Variants in C1orf185 observed in about 807,000 individuals in gnomAD.
The protein encoded by C1orf185 is uncharacterized protein C1orf185.
In C1orf185, 13 loss-of-function variants were observed where a neutral mutation model predicts 16.1. That is an observed-to-expected ratio of 0.81 (90% CI 0.53 to 1.28). The LOEUF is 1.28. C1orf185 is among the 50% of genes most tolerant of loss of function. The pLI, the probability that C1orf185 is intolerant of heterozygous loss-of-function variation, is 0.00. For missense variants in C1orf185, 220 were observed against 225.2 expected, an observed-to-expected ratio of 0.98 and a Z score of 0.15; for synonymous variants, 80 against 76.9, an observed-to-expected ratio of 1.04 and a Z score of -0.21.
At chr1:51,150,183 T>C (rs1341192655), downstream of C1orf185, among the ~76,000 whole-genome samples, 1 of 151,608 alleles carries the variant, frequency 6.6e-6, no homozygotes, top group East Asian at 1.9e-4. Flanking sequence ...ATATAATAAA[T>C]TGAATGTCTT....
intron 3 of C1orf185, among the ~76,000 whole-genome samples, chr1:51,143,643 C>A (rs1305396728): frequency 6.6e-6 from 1 of 151,948 alleles, no homozygotes; most frequent in African/African-American, 2.4e-5. Flanking sequence ...TTTCCTTACT[C>A]GGGATTTTAT....
chr1:51,128,549 C>T (rs1646259305), intron 3 of C1orf185, among the ~76,000 whole-genome samples: 1 of 151,820 alleles, frequency 6.6e-6, no homozygotes, highest in African/African-American at 2.4e-5. Flanking sequence ...AAAAATTAGC[C>T]AGGTGTGGTG....
At chr1:51,130,013 C>T (rs1557649552) in intron 3 of C1orf185, among the ~76,000 whole-genome samples, 1 of 152,122 alleles carries the variant, frequency 6.6e-6, no homozygotes, top group Non-Finnish European at 1.5e-5. Context: ...TGTTCTTTTT[C>T]ATGGCTGAGT....
At chr1:51,119,499 A>G (rs1037289577) in intron 3 of C1orf185, among the ~76,000 whole-genome samples, 1 of 152,236 alleles carries the variant, frequency 6.6e-6, no homozygotes, top group Non-Finnish European at 1.5e-5. Flanking sequence ...TTGATTTAAC[A>G]AACATTTGCT....
chr1:51,119,690 T>C (rs1646183622), intron 3 of C1orf185, among the ~76,000 whole-genome samples: 1 of 152,192 alleles, frequency 6.6e-6, no homozygotes, highest in South Asian at 2.1e-4. Context: ...GTCCTAGTTG[T>C]TCAGGAGGCT....
At chr1:51,130,176 T>A (rs1646272684) in intron 3 of C1orf185, among the ~76,000 whole-genome samples, 1 of 152,146 alleles carries the variant, frequency 6.6e-6, no homozygotes, top group Non-Finnish European at 1.5e-5. Context: ...AGTTTTCATT[T>A]CTCTAGAATA....
chr1:51,148,925 G>A (rs886396053), downstream of C1orf185, among the ~76,000 whole-genome samples: 17 of 152,042 alleles, frequency 1.1e-4, no homozygotes, highest in Non-Finnish European at 1.0e-4. Flanking sequence ...GTGAGACCCT[G>A]TCTCAAAAAA....
chr1:51,144,191 C>A (rs759562808), intron 3 of C1orf185, among the ~76,000 whole-genome samples: 17 of 152,112 alleles, frequency 1.1e-4, no homozygotes, highest in Non-Finnish European at 1.0e-4. Context: ...CCTAGGCGAG[C>A]CTATTAGAAA....
rs567637240 is a variant in C1orf185, at chr1:51,112,307, T to C, written c.17-157T>C. ...ATTCTCTAATCCAGGGTCTTGGAGT[T>C]TATTAGAATTGCATGGGACTAGAAT... On this transcript the variant is annotated intron_variant, in intron 1 of 4. Transcript: ENST00000371759. Among the ~76,000 whole-genome samples the C allele has an allele frequency of 3.3e-4, 50 of 152,316 alleles. No individual in the cohort carries two copies. The South Asian group carries it at 9.7e-3, about 30-fold the overall frequency.
chr1:51,107,089 T>C (rs1223411695), intron 1 of C1orf185: 1 of 152,122 alleles, frequency 6.6e-6, no homozygotes, highest in Admixed American at 6.5e-5. Flanking sequence ...AAATGAAATA[T>C]TGGGCATGGT....
intron 3 of C1orf185, among the ~76,000 whole-genome samples, chr1:51,120,679 C>T (rs1282468958): frequency 6.6e-6 from 1 of 152,194 alleles, no homozygotes; most frequent in Non-Finnish European, 1.5e-5. Flanking sequence ...GTACCCATCA[C>T]GTACTAGGCA....
chr1:51,117,207 A>G (rs1429062554), intron 2 of C1orf185, among the ~76,000 whole-genome samples: 5 of 152,220 alleles, frequency 3.3e-5, no homozygotes, highest in Non-Finnish European at 7.3e-5. Context: ...ATTGAATTCA[A>G]TGAATAAGTG....
intron 3 of C1orf185, among the ~76,000 whole-genome samples, chr1:51,135,965 G>T (rs1192861728): frequency 6.6e-6 from 1 of 152,108 alleles, no homozygotes; most frequent in Non-Finnish European, 1.5e-5. Context: ...AAAGTCTCAG[G>T]ATACAAACTC....
intron 3 of C1orf185, among the ~76,000 whole-genome samples, chr1:51,130,351 C>CT (rs113969943): frequency 0.13 from 18,621 of 143,340 alleles, 2,195 homozygotes; most frequent in African/African-American, 0.32. Context: ...TTCTTTCTTT[C>CT]TTTTTTTTTT....
chr1:51,122,464 T>G (rs767336708), intron 3 of C1orf185, among the ~76,000 whole-genome samples: 14 of 152,186 alleles, frequency 9.2e-5, no homozygotes, highest in Non-Finnish European at 1.8e-4. Context: ...CATTGTAGAT[T>G]CATAGCAAAA....
chr1:51,106,246 A>G (rs1474600214), intron 1 of C1orf185, among the ~76,000 whole-genome samples: 1 of 152,152 alleles, frequency 6.6e-6, no homozygotes, highest in Non-Finnish European at 1.5e-5. Flanking sequence ...TAAGATATTC[A>G]TGGTAGAAAA....
At chr1:51,149,399 A>G (rs1482355161), downstream of C1orf185, among the ~76,000 whole-genome samples, 1 of 152,120 alleles carries the variant, frequency 6.6e-6, no homozygotes, top group African/African-American at 2.4e-5. Flanking sequence ...CTTTTGAAGC[A>G]CCTGGTCATT....
intron 3 of C1orf185, among the ~76,000 whole-genome samples, chr1:51,126,776 A>G (rs1646243513): frequency 6.6e-6 from 1 of 151,988 alleles, no homozygotes; most frequent in Admixed American, 6.6e-5. Flanking sequence ...TATTAACTAA[A>G]CTCCAGATGT....
intron 3 of C1orf185, among the ~76,000 whole-genome samples, chr1:51,140,782 C>T (rs1054361869): frequency 6.6e-6 from 1 of 152,080 alleles, no homozygotes; most frequent in African/African-American, 2.4e-5. Flanking sequence ...ATGATATTCC[C>T]TTATTACTTA....
Sources: gnomAD v4.1 joint callset for allele counts (sites outside exome capture counted in the v4.1 genomes callset) on GRCh38, gnomAD v4.1.1 for gene constraint, MANE v1.5 for transcripts, NCBI Gene and HGNC (gene_info 2026-07-23, HGNC 2026-07-21) for gene names.